ECPAS: variants seen among roughly 807,000 people sequenced by gnomAD.
ECPAS encodes proteasome adapter and scaffold protein ECM29.
In ECPAS, 70 loss-of-function variants were observed where a neutral mutation model predicts 255.1. That is an observed-to-expected ratio of 0.27 (90% CI 0.23 to 0.33). ECPAS has a LOEUF of 0.33. Among genes scored for constraint, ECPAS ranks in the 10% least tolerant of loss-of-function variants. The pLI is 1.00. For synonymous variants in ECPAS, 784 were observed against 775.0 expected, an observed-to-expected ratio of 1.01 and a Z score of -0.19; for missense variants, 1,817 against 2,206.4, an observed-to-expected ratio of 0.82 and a Z score of 3.54.
chr9:111,418,012 A>C lies in ECPAS; in HGVS notation c.1560-6T>G. The C allele has an allele frequency of 1.3e-6, 2 of 1,578,214 alleles. No homozygotes were observed. Among genetic ancestry groups the C allele is most frequent in the Non-Finnish European group, 1.7e-6 (2 of 1,168,046 alleles). On this transcript the variant is annotated splice_region_variant and splice_polypyrimidine_tract_variant and intron_variant, in intron 16 of 49. Coordinates refer to ENST00000684092, the MANE Select transcript of ECPAS (RefSeq NM_001364929.1). ...CTCCATGAACTTCTTCACGTCTTTC[A>C]GAAAAAGACAAATAAGAATAAAAAA...
intron 24 of ECPAS, among the ~76,000 whole-genome samples, chr9:111,398,600 G>A (rs947586975): frequency 6.6e-6 from 1 of 151,986 alleles, no homozygotes; most frequent in Non-Finnish European, 1.5e-5. Context: ...GTGGCTGAAC[G>A]GGGAGGTGGA....
intron 46 of ECPAS, among the ~76,000 whole-genome samples, chr9:111,368,374 A>C (rs777354397): frequency 2.6e-5 from 4 of 152,216 alleles, no homozygotes; most frequent in Non-Finnish European, 4.4e-5. Flanking sequence ...TTTCAGGATA[A>C]AGAGACCCTG....
chr9:111,432,341 T>C (rs1338513944), intron 8 of ECPAS, among the ~76,000 whole-genome samples: 1 of 152,210 alleles, frequency 6.6e-6, no homozygotes, highest in African/African-American at 2.4e-5. Flanking sequence ...TGGCCAGGCG[T>C]GGTGGCTCAC....
At chr9:111,483,517 G>A in intron 1 of ECPAS, 1 of 979,344 alleles carries the variant, frequency 1.0e-6, no homozygotes. Context: ...GCTCATCCTG[G>A]GAGGCGGAGG....
intron 3 of ECPAS, among the ~76,000 whole-genome samples, chr9:111,445,285 G>A (rs1390792228): frequency 3.9e-5 from 6 of 151,930 alleles, no homozygotes; most frequent in South Asian, 2.1e-4. Context: ...GTGAGCCACC[G>A]CGCCTGGCCA....
At chr9:111,481,413 T>G (rs1187035937) in intron 1 of ECPAS, among the ~76,000 whole-genome samples, 2 of 151,668 alleles carry the variant, frequency 1.3e-5, no homozygotes, top group Non-Finnish European at 2.9e-5. Flanking sequence ...GGCTGAGGCA[T>G]AAGAATGGCG....
intron 24 of ECPAS, among the ~76,000 whole-genome samples, chr9:111,407,261 G>A (rs2098185463): frequency 6.8e-6 from 1 of 146,922 alleles, no homozygotes; most frequent in Admixed American, 6.7e-5. Flanking sequence ...TATTAGCCAG[G>A]TGTGGTGGCG....
chr9:111,432,898 GT>G (rs1246354547), intron 8 of ECPAS, among the ~76,000 whole-genome samples: 1 of 152,012 alleles, frequency 6.6e-6, no homozygotes, highest in Non-Finnish European at 1.5e-5. Flanking sequence ...ATCTCGAATG[GT>G]TTGAGACACA....
At chr9:111,434,582 T>G (rs2098234906) in intron 7 of ECPAS, among the ~76,000 whole-genome samples, 1 of 143,838 alleles carries the variant, frequency 7.0e-6, no homozygotes. Context: ...GGATTCCAGT[T>G]AACTTTTTTT....
rs933184755 is a variant in ECPAS at position 111,405,612 on chromosome 9, A to G, written c.2652+2959T>C. Among the ~76,000 whole-genome samples, 12 of 150,046 alleles carry G rather than the reference A, an allele frequency of 8.0e-5. 1 individual carries two copies. Among genetic ancestry groups the G allele is most frequent in the African/African-American group, 3.0e-4 (12 of 39,620 alleles). ...ATCCAACAGAGTGAAGAGACAACCT[A>G]TGGCATAGACGAAAATATCTGCAAA... On this transcript the variant is annotated intron_variant, in intron 24 of 49. Transcript: ENST00000684092.
intron 34 of ECPAS, 133 bp from the exon 35 acceptor site, chr9:111,383,465 G>C (rs1362495252): frequency 4.9e-6 from 6 of 1,216,170 alleles, no homozygotes; most frequent in African/African-American, 4.6e-5. Context: ...ACACTACAGA[G>C]ACACAGAGGA....
Position 111,433,315 on chromosome 9 carries a change from C to A in ECPAS, c.766G>T (p.Val256Phe). Reference sequence around the variant, plus strand: ...CTAGAGGCAATCACCAAGTGGAGAACAGCTTCAAGTTCAGGCACCTGTTCA... The same window carrying A: ...CTAGAGGCAATCACCAAGTGGAGAAAAGCTTCAAGTTCAGGCACCTGTTCA... ...EAEQVPELEA[V>F]LHLVIASSDT... Residue 256 changes from valine (V) to phenylalanine (F), a missense_variant, in exon 8 of 50, where the codon GTT becomes TTT. Coordinates refer to ENST00000684092, the MANE Select transcript of ECPAS (RefSeq NM_001364929.1). The A allele has an allele frequency of 6.2e-7, 1 of 1,614,018 alleles. No homozygotes were observed. Among genetic ancestry groups the A allele is most frequent in the Non-Finnish European group, 8.5e-7 (1 of 1,179,870 alleles).
chr9:111,415,247 G>C (rs2098201455), intron 18 of ECPAS, among the ~76,000 whole-genome samples: 1 of 131,616 alleles, frequency 7.6e-6, no homozygotes, highest in Admixed American at 7.9e-5. Flanking sequence ...GTGTGTGTGT[G>C]TGTGTGAGAG....
intron 10 of ECPAS, among the ~76,000 whole-genome samples, chr9:111,426,538 G>GAAGAGTT (rs1022398830): frequency 5.3e-5 from 8 of 151,984 alleles, no homozygotes; most frequent in African/African-American, 1.7e-4. Context: ...CAATCTTGTT[G>GAAGAGTT]AAGAGTTAAG....
intron 8 of ECPAS, among the ~76,000 whole-genome samples, chr9:111,431,414 C>T (rs1296255982): frequency 2.0e-5 from 3 of 152,014 alleles, no homozygotes; most frequent in African/African-American, 7.2e-5. Context: ...AAAAATTAGC[C>T]GGGCACGGTG....
chr9:111,392,534 A>G (rs1272217324), intron 28 of ECPAS, among the ~76,000 whole-genome samples: 1 of 152,168 alleles, frequency 6.6e-6, no homozygotes, highest in South Asian at 2.1e-4. Flanking sequence ...AACCCAATAC[A>G]TTATCTGAGA....
chr9:111,438,555 T>C (rs759442036), intron 6 of ECPAS, among the ~76,000 whole-genome samples: 18 of 152,066 alleles, frequency 1.2e-4, no homozygotes, highest in Non-Finnish European at 2.2e-4. Flanking sequence ...CTGCATTGAG[T>C]TACCACTGCA....
intron 21 of ECPAS, 150 bp downstream of exon 21, chr9:111,411,864 G>GTAT (rs1168059489): frequency 1.6e-6 from 1 of 635,228 alleles, no homozygotes; most frequent in African/African-American, 1.9e-5. Context: ...CTGAACCAAT[G>GTAT]TATCACCTAT....
At chr9:111,372,982 A>C (rs2098129216) in intron 41 of ECPAS, among the ~76,000 whole-genome samples, 188 bp downstream of exon 41, 1 of 152,182 alleles carries the variant, frequency 6.6e-6, no homozygotes, top group Non-Finnish European at 1.5e-5. Flanking sequence ...CAGTGAGCTG[A>C]GATAGCACCA....
Sources: gnomAD v4.1 joint callset for allele counts (sites outside exome capture counted in the v4.1 genomes callset) on GRCh38, gnomAD v4.1.1 for gene constraint, MANE v1.5 for transcripts, NCBI Gene and HGNC (gene_info 2026-07-23, HGNC 2026-07-21) for gene names.